SP140L: variants seen among roughly 807,000 people sequenced by gnomAD.
The protein encoded by SP140L is SP140 like nuclear body protein.
Under a neutral mutation model 84.3 loss-of-function variants are expected in SP140L, and 64 were observed. The observed-to-expected ratio is 0.76, with a 90% CI of 0.62 to 0.94. The LOEUF is 0.94. Among genes scored for constraint, SP140L ranks in the 40% least tolerant of loss-of-function variants. The probability of loss-of-function intolerance (pLI) is 0.00; values close to 1 mark genes in which losing one functional copy is unlikely to be tolerated. For missense variants in SP140L, 628 were observed against 692.5 expected, an observed-to-expected ratio of 0.91 and a Z score of 1.05; for synonymous variants, 242 against 236.9, an observed-to-expected ratio of 1.02 and a Z score of -0.20.
chr2:230,345,401 A>G (rs938389359), intron 2 of SP140L, among the ~76,000 whole-genome samples: 14 of 152,180 alleles, frequency 9.2e-5, no homozygotes, highest in African/African-American at 3.4e-4. Flanking sequence ...TAAACCTACC[A>G]TGAGTCTCTT....
intron 2 of SP140L, among the ~76,000 whole-genome samples, chr2:230,335,215 T>C (rs576954805): frequency 4.6e-5 from 7 of 152,302 alleles, no homozygotes; most frequent in Non-Finnish European, 7.4e-5. Flanking sequence ...TTTATTTTCT[T>C]TCCTAATTCT....
At chr2:230,365,545 A>G (rs1352565427) in intron 5 of SP140L, among the ~76,000 whole-genome samples, 2 of 151,800 alleles carry the variant, frequency 1.3e-5, no homozygotes, top group South Asian at 4.1e-4. Context: ...TAGTCTAGCT[A>G]AATGTTTGTC....
intron 15 of SP140L, 168 bp from the exon 16 acceptor site, chr2:230,400,787 C>A: frequency 6.7e-7 from 1 of 1,484,280 alleles, no homozygotes. Flanking sequence ...GAGGGAAAGG[C>A]CAGTGGCTGG....
chr2:230,393,366 A>G (rs1372903888), intron 12 of SP140L, 48 bp from the exon 13 acceptor site: 1 of 1,545,566 alleles, frequency 6.5e-7, no homozygotes, highest in Non-Finnish European at 8.7e-7. Context: ...CAGACTCACA[A>G]AACAGAAACG....
intron 13 of SP140L, among the ~76,000 whole-genome samples, chr2:230,395,252 A>G (rs753226281): frequency 1.3e-5 from 2 of 152,206 alleles, no homozygotes; most frequent in Non-Finnish European, 2.9e-5. Context: ...GCATATACTA[A>G]ATTCCAATGG....
intron 2 of SP140L, among the ~76,000 whole-genome samples, chr2:230,332,270 A>C (rs749866980): frequency 1.8e-4 from 28 of 152,248 alleles, no homozygotes; most frequent in Non-Finnish European, 4.0e-4. Flanking sequence ...AGAGATTAAA[A>C]TATCAAACAG....
chr2:230,345,616 A>G (rs147919236), intron 2 of SP140L, among the ~76,000 whole-genome samples: 116 of 140,034 alleles, frequency 8.3e-4, no homozygotes, highest in Non-Finnish European at 1.3e-3. Context: ...TTCTTGTGGC[A>G]TTCCTTTGTG....
At position 230,328,742 on chromosome 2, in the gene SP140L, A is replaced by T; in HGVS notation, c.33-15A>T. The T allele has an allele frequency of 6.2e-7, 1 of 1,611,094 alleles. No homozygotes were observed. On this transcript the variant is annotated splice_polypyrimidine_tract_variant and intron_variant, in intron 1 of 18. Coordinates refer to ENST00000415673, the MANE Select transcript of SP140L (RefSeq NM_138402.6). ...TATTTACTTGTTTATAGATCCTGCC[A>T]AATTGTCTTTTTAGGGGGCTGAACG...
chr2:230,327,337 C>T, intron 1 of SP140L, 36 bp downstream of exon 1: 1 of 1,599,716 alleles, frequency 6.3e-7, no homozygotes. Context: ...ACCTTTATCT[C>T]TGGCAGTATT....
chr2:230,370,878 A>T (rs753635402), intron 5 of SP140L, 30 bp from the exon 6 acceptor site: 1 of 1,609,696 alleles, frequency 6.2e-7, no homozygotes, highest in Non-Finnish European at 8.5e-7. Flanking sequence ...TGTGAAAATG[A>T]GAAGTGTTCC....
rs781403143 is a variant in SP140L at position 230,334,715 on chromosome 2, GTA to G, written c.107+5899_107+5900del. Among the ~76,000 whole-genome samples, 122 of 149,604 alleles carry G rather than the reference GTA, an allele frequency of 8.2e-4. 2 individuals are homozygous for G. The highest frequency in any genetic ancestry group is 2.1e-3 in the Admixed American group (31 of 14,964). ...TAATTGAGGGTGATTAAAATTATAT[GTA>G]TATATATATATATAAATGGTTTCTT... On this transcript the variant is annotated intron_variant, in intron 2 of 18. Transcript: ENST00000415673.
chr2:230,366,131 A>G (rs1180942914), intron 5 of SP140L, among the ~76,000 whole-genome samples: 2 of 152,146 alleles, frequency 1.3e-5, no homozygotes, highest in African/African-American at 4.8e-5. Flanking sequence ...TGTTAGGTCT[A>G]TTTGGTATAA....
intron 15 of SP140L, 133 bp from the exon 16 acceptor site, chr2:230,400,822 A>C: frequency 1.3e-6 from 2 of 1,585,264 alleles, no homozygotes; most frequent in South Asian, 2.3e-5. Flanking sequence ...GTTCTTGGAT[A>C]CTCTGGGAGG....
chr2:230,384,947 G>C (rs1295440937), intron 8 of SP140L, among the ~76,000 whole-genome samples: 1 of 151,956 alleles, frequency 6.6e-6, no homozygotes, highest in Non-Finnish European at 1.5e-5. Context: ...AACAAGAATG[G>C]GTGTTTTCAA....
chr2:230,389,987 G>T lies in SP140L; in HGVS notation c.928G>T (p.Val310Leu). ...TTTACTTCCAGTGACCTGTGGTGGG[G>T]TGAAGGGAATTTTACATAAGGAGAA... ...APLLPVTCGG[V>L]KGILHKEKLE... The change falls in exon 11 of 19, where the codon GTG becomes TTG. Residue 310 changes from valine to leucine, a missense_variant. This residue lies in a region of SP140L where 525 missense variants were observed against 518.4 expected (regional missense o/e 1.01). Transcript: ENST00000415673. The T allele has an allele frequency of 6.2e-7, 1 of 1,613,798 alleles. No homozygotes were observed. Among genetic ancestry groups the T allele is most frequent in the Non-Finnish European group, 8.5e-7 (1 of 1,179,798 alleles).
intron 2 of SP140L, chr2:230,341,928 G>C (rs1469397416): frequency 6.6e-6 from 1 of 152,308 alleles, no homozygotes; most frequent in Non-Finnish European, 1.5e-5. Context: ...GTCTGCAGAG[G>C]TTACTGCTGT....
At chr2:230,400,027 A>G in intron 14 of SP140L, 100 bp from the exon 15 acceptor site, 1 of 1,265,870 alleles carries the variant, frequency 7.9e-7, no homozygotes, top group Non-Finnish European at 1.1e-6. Flanking sequence ...ATGCCTGTCT[A>G]TACAGGCTCA....
chr2:230,371,722 G>A (rs2061079099), intron 7 of SP140L, 71 bp downstream of exon 7: 3 of 1,349,364 alleles, frequency 2.2e-6, no homozygotes, highest in Admixed American at 4.0e-5. Flanking sequence ...TTTTCTTTTT[G>A]TCATTGTTAC....
intron 5 of SP140L, among the ~76,000 whole-genome samples, chr2:230,370,111 A>G (rs960031970): frequency 6.6e-6 from 1 of 152,192 alleles, no homozygotes; most frequent in South Asian, 2.1e-4. Flanking sequence ...ATTTTCTGGA[A>G]TGATAAGAGC....
Sources: gnomAD v4.1 joint callset for allele counts (sites outside exome capture counted in the v4.1 genomes callset) on GRCh38, gnomAD v4.1.1 for gene constraint, gnomAD v4.1.1 regional missense constraint, MANE v1.5 for transcripts, NCBI Gene and HGNC (gene_info 2026-07-23, HGNC 2026-07-21) for gene names.